The following ARMC8 variants were observed in gnomAD, a reference collection of about 807,000 sequenced individuals.
ARMC8 encodes the protein armadillo repeat-containing protein 8.
ARMC8 carries 20 observed loss-of-function variants against 99.3 expected under a neutral mutation model. The observed-to-expected ratio is 0.20, with a 90% CI of 0.14 to 0.29. The LOEUF is 0.29. Ranked by LOEUF, ARMC8 falls within the 10% of genes least tolerant of loss-of-function variation. ARMC8 has a pLI of 1.00. For synonymous variants in ARMC8, 263 were observed against 278.3 expected (o/e 0.95, Z 0.55); for missense variants, 569 against 809.5 (o/e 0.70, Z 3.60).
At chr3:138,276,561 C>G (rs886088971) in intron 18 of ARMC8, among the ~76,000 whole-genome samples, 11 of 152,086 alleles carry the variant, frequency 7.2e-5, no homozygotes, top group African/African-American at 2.4e-4. Flanking sequence ...ACCAAAAATT[C>G]TAGAACTAAT....
intron 11 of ARMC8, among the ~76,000 whole-genome samples, chr3:138,242,392 T>G (rs1349840772): frequency 6.6e-6 from 1 of 152,172 alleles, no homozygotes; most frequent in African/African-American, 2.4e-5. Context: ...TCCACCACAG[T>G]CTATTTTGTT....
At chr3:138,290,216 G>T (rs138244799) in intron 20 of ARMC8, among the ~76,000 whole-genome samples, 67 of 152,326 alleles carry the variant, frequency 4.4e-4, no homozygotes, top group African/African-American at 1.6e-3. Flanking sequence ...TGTCCTGAAA[G>T]AAGTGGTGAA....
At chr3:138,225,691 CT>C (rs1325104755) in intron 5 of ARMC8, among the ~76,000 whole-genome samples, 1 of 152,110 alleles carries the variant, frequency 6.6e-6, no homozygotes, top group East Asian at 1.9e-4. Context: ...ATTTTTCATT[CT>C]TTAAAAAAAT....
chr3:138,270,314 G>A (rs75963370), intron 16 of ARMC8, among the ~76,000 whole-genome samples, 182 bp downstream of exon 16: 8,302 of 152,274 alleles, frequency 0.055, 228 homozygotes, highest in South Asian at 0.1. Flanking sequence ...AGATTTAACT[G>A]TAAGCAAGTT....
intron 2 of ARMC8, among the ~76,000 whole-genome samples, chr3:138,212,921 C>T (rs991132738): frequency 5.3e-5 from 8 of 152,120 alleles, no homozygotes; most frequent in African/African-American, 1.9e-4. Flanking sequence ...TACAAGCCAA[C>T]CAGAGTTTTA....
At position 138,291,372 on chromosome 3, in the gene ARMC8, G is replaced by A. The variant is rs562627938; in HGVS notation, c.1988+733G>A. Among the ~76,000 whole-genome samples, 4 of 152,254 alleles carry A rather than the reference G, an allele frequency of 2.6e-5. No homozygotes were observed. In the East Asian group the frequency reaches 7.7e-4, roughly 29 times the overall value. On this transcript the variant is annotated intron_variant, in intron 21 of 21. Coordinates refer to ENST00000469044, the MANE Select transcript of ARMC8 (RefSeq NM_001363941.2). Reference sequence around the variant, plus strand: ...TGTCCGCTTACAGTAGCACACCTTCGTGCATTTACACATTCTGTTCCATCT... The same window carrying A: ...TGTCCGCTTACAGTAGCACACCTTCATGCATTTACACATTCTGTTCCATCT...
intron 18 of ARMC8, among the ~76,000 whole-genome samples, chr3:138,282,214 G>C (rs188582562): frequency 3.9e-5 from 6 of 152,270 alleles, no homozygotes; most frequent in Non-Finnish European, 7.4e-5. Flanking sequence ...TGGAAGGTGG[G>C]GTTGTTGTAA....
intron 12 of ARMC8, chr3:138,246,071 A>G (rs970410736): frequency 1.0e-6 from 1 of 985,382 alleles, no homozygotes; most frequent in South Asian, 4.7e-5. Flanking sequence ...AGAAATCACA[A>G]AGTATTAGAG....
chr3:138,246,386 A>T lies in ARMC8; in HGVS notation c.1134+1203A>T, dbSNP rs555263181. ...GTTTTCACTTATAAACTGTTATTTC[A>T]AAGCAAACATACTAGTGATATATAT... On this transcript the variant is annotated intron_variant, in intron 12 of 21. Coordinates refer to ENST00000469044, the MANE Select transcript of ARMC8 (RefSeq NM_001363941.2). 25 of 985,486 alleles carry T rather than the reference A, an allele frequency of 2.5e-5. No individual in the cohort carries two copies. In the South Asian group the frequency reaches 5.7e-4, roughly 22 times the overall value. 61.0% of individuals were successfully genotyped at this position (985,486 alleles called of 1,614,324 possible). A position where few individuals can be genotyped will look rare whatever the true frequency, so the allele number is the denominator to read the frequency against.
intron 6 of ARMC8, among the ~76,000 whole-genome samples, chr3:138,233,846 T>C (rs529435145): frequency 1.3e-5 from 2 of 152,364 alleles, no homozygotes; most frequent in East Asian, 3.9e-4. Flanking sequence ...ATTTTTCTCT[T>C]CTGAGTGATG....
At position 138,229,021 on chromosome 3, in the gene ARMC8, G is replaced by T; in HGVS notation, c.528+11G>T. On this transcript the variant is annotated intron_variant, in intron 6 of 21. Coordinates refer to ENST00000469044, the MANE Select transcript of ARMC8 (RefSeq NM_001363941.2). Reference sequence around the variant, plus strand: ...TCACACTGCTGTAAAGTAAGAACCAGAATAAATGTTATCTATAATGTAAAA... The same window carrying T: ...TCACACTGCTGTAAAGTAAGAACCATAATAAATGTTATCTATAATGTAAAA... 1 of 1,582,568 alleles carries T rather than the reference G, an allele frequency of 6.3e-7. No homozygotes were observed. Among genetic ancestry groups the T allele is most frequent in the South Asian group, 1.1e-5 (1 of 90,322 alleles).
At chr3:138,222,018 C>T (rs1259001470) in intron 3 of ARMC8, 21 bp downstream of exon 3, 1 of 1,594,928 alleles carries the variant, frequency 6.3e-7, no homozygotes, top group Non-Finnish European at 8.6e-7. Context: ...TGTCTCACCC[C>T]TTTCTTGCCA....
intron 18 of ARMC8, among the ~76,000 whole-genome samples, chr3:138,274,860 C>T (rs1437470648): frequency 3.3e-5 from 5 of 152,128 alleles, no homozygotes; most frequent in Non-Finnish European, 7.4e-5. Context: ...TAAGTGATTT[C>T]CAGGATAAAT....
At chr3:138,235,667 A>G (rs2046293186) in intron 7 of ARMC8, among the ~76,000 whole-genome samples, 1 of 152,212 alleles carries the variant, frequency 6.6e-6, no homozygotes, top group Non-Finnish European at 1.5e-5. Flanking sequence ...TACAAGTTGT[A>G]GCAAATATTG....
intron 14 of ARMC8, among the ~76,000 whole-genome samples, chr3:138,265,505 T>A (rs2048194158): frequency 6.6e-6 from 1 of 152,198 alleles, no homozygotes; most frequent in Admixed American, 6.6e-5. Context: ...AAACATTTTA[T>A]CACAGAACTC....
At chr3:138,229,119 CCTG>C (rs1467877719) in intron 6 of ARMC8, 109 bp downstream of exon 6, 3 of 234,744 alleles carry the variant, frequency 1.3e-5, no homozygotes, top group Non-Finnish European at 2.5e-5. Flanking sequence ...TATAAGTAGA[CCTG>C]TGTGTGTGCG....
intron 2 of ARMC8, among the ~76,000 whole-genome samples, chr3:138,214,737 A>G (rs529973500): frequency 1.3e-4 from 19 of 151,952 alleles, no homozygotes; most frequent in Non-Finnish European, 2.4e-4. Context: ...ACTCACTGCA[A>G]CCTCTGCTTC....
At chr3:138,255,948 A>G (rs34325246) in intron 12 of ARMC8, among the ~76,000 whole-genome samples, 3 of 152,260 alleles carry the variant, frequency 2.0e-5, no homozygotes, top group African/African-American at 7.2e-5. Context: ...CCTGGGCGAC[A>G]GAGTGAGACT....
chr3:138,238,713 C>T (rs890529386), intron 9 of ARMC8: 1 of 152,016 alleles, frequency 6.6e-6, no homozygotes, highest in Non-Finnish European at 1.5e-5. Context: ...ATATTTCAGC[C>T]GTCTACAATA....
Sources: gnomAD v4.1 joint callset for allele counts (sites outside exome capture counted in the v4.1 genomes callset) on GRCh38, gnomAD v4.1.1 for gene constraint, MANE v1.5 for transcripts, NCBI Gene and HGNC (gene_info 2026-07-23, HGNC 2026-07-21) for gene names.